The following HIBCH variants were observed in gnomAD, a reference collection of about 807,000 sequenced individuals.
HIBCH encodes 3-hydroxyisobutyryl-CoA hydrolase, mitochondrial.
A neutral mutation model predicts 58.2 loss-of-function variants in HIBCH; 50 were observed. That is an observed-to-expected ratio of 0.86 (90% CI 0.68 to 1.09). The LOEUF is 1.09. Ranked by LOEUF, HIBCH falls within the 50% of genes least tolerant of loss-of-function variation. The pLI, the probability that HIBCH is intolerant of heterozygous loss-of-function variation, is 0.00. For missense variants in HIBCH, 450 were observed against 449.7 expected (o/e 1.00, Z -0.01); for synonymous variants, 151 against 146.9 (o/e 1.03, Z -0.20).
chr2:190,232,919 C>T (rs528304416), intron 11 of HIBCH, among the ~76,000 whole-genome samples: 7 of 152,056 alleles, frequency 4.6e-5, no homozygotes, highest in Admixed American at 3.9e-4. Context: ...GATCATGCCA[C>T]TGCACTCCAG....
intron 5 of HIBCH, among the ~76,000 whole-genome samples, chr2:190,288,333 G>A (rs1281556227): frequency 6.6e-6 from 1 of 151,186 alleles, no homozygotes; most frequent in Non-Finnish European, 1.5e-5. Flanking sequence ...TCATATGGAA[G>A]ATCCAAAGTC....
At chr2:190,270,922 C>T (rs1436668164) in intron 6 of HIBCH, among the ~76,000 whole-genome samples, 1 of 151,720 alleles carries the variant, frequency 6.6e-6, no homozygotes, top group Admixed American at 6.6e-5. Context: ...ATTTTTTTTA[C>T]CCTGCTATTG....
intron 1 of HIBCH, among the ~76,000 whole-genome samples, chr2:190,195,235 T>C (rs760371586): frequency 6.6e-6 from 1 of 152,220 alleles, no homozygotes; most frequent in Non-Finnish European, 1.5e-5. Flanking sequence ...AAGAAGGACA[T>C]CTTGCTTGCT....
At chr2:190,267,335 G>A (rs1051318341) in intron 6 of HIBCH, among the ~76,000 whole-genome samples, 2 of 152,096 alleles carry the variant, frequency 1.3e-5, no homozygotes, top group Admixed American at 6.5e-5. Context: ...CTCCTGAGTA[G>A]CTGGGATTAC....
chr2:190,199,044 CTAGAG>C (rs1690115047), downstream of HIBCH, among the ~76,000 whole-genome samples: 1 of 152,152 alleles, frequency 6.6e-6, no homozygotes, highest in Non-Finnish European at 1.5e-5. Flanking sequence ...AGACGTGGCA[CTAGAG>C]TAAAGCCAAC....
rs1297419970 is a variant in HIBCH, at chr2:190,214,922, G to C, written c.892-1847C>G. 1 of 152,192 alleles carries C rather than the reference G, an allele frequency of 6.6e-6. No individual in the cohort carries two copies. Among genetic ancestry groups the C allele is most frequent in the Middle Eastern group, 3.2e-3 (1 of 314 alleles). 9.4% of individuals were successfully genotyped at this position (152,192 alleles called of 1,614,324 possible). On this transcript the variant is annotated intron_variant, in intron 11 of 13. Transcript: ENST00000359678. This position sits in a 1 kb window ranked among gnomAD's most constrained non-coding sequence, Gnocchi z 5.5. ...GGAAAGAATTAGAACAATGTAAGAA[G>C]GACATTGAGAATTTCCCTATTTCTT...
At position 190,210,922 on chromosome 2, in the gene HIBCH, T is replaced by C. The variant is rs1283029304; in HGVS notation, c.1012-2009A>G. Among the ~76,000 whole-genome samples, 3 of 152,216 alleles carry C rather than the reference T, an allele frequency of 2.0e-5. No homozygotes were observed. Among genetic ancestry groups the C allele is most frequent in the African/African-American group, 2.4e-5 (1 of 41,440 alleles). On this transcript the variant is annotated intron_variant, in intron 12 of 13. Transcript: ENST00000359678. This position sits in a 1 kb window ranked among gnomAD's most constrained non-coding sequence, Gnocchi z 5.5. ...TACAATTCATCCCCCTGTTACTCTATATCACATATCCTGCTTCCTTTTTCT... is the reference window on the plus strand; with the variant it reads ...TACAATTCATCCCCCTGTTACTCTACATCACATATCCTGCTTCCTTTTTCT...
chr2:190,309,681 G>C (rs1575765353), intron 2 of HIBCH, among the ~76,000 whole-genome samples: 2 of 151,582 alleles, frequency 1.3e-5, no homozygotes, highest in African/African-American at 4.8e-5. Context: ...TCAGCCTCCT[G>C]AGTAGCTGGG....
chr2:190,253,735 C>T (rs1686845309), intron 7 of HIBCH, among the ~76,000 whole-genome samples: 1 of 152,166 alleles, frequency 6.6e-6, no homozygotes, highest in Non-Finnish European at 1.5e-5. Context: ...AAAACAAACA[C>T]CTTTATCAAA....
chr2:190,310,683 C>G, intron 2 of HIBCH, 71 bp downstream of exon 2: 1 of 1,241,548 alleles, frequency 8.1e-7, no homozygotes, highest in Non-Finnish European at 1.2e-6. Context: ...CAGTATTTCT[C>G]TACTTCTCTA....
At chr2:190,282,929 A>G (rs1172566720) in intron 6 of HIBCH, among the ~76,000 whole-genome samples, 1 of 152,100 alleles carries the variant, frequency 6.6e-6, no homozygotes, top group East Asian at 1.9e-4. Flanking sequence ...AAGTAACAAT[A>G]AAGTACAAAC....
At chr2:190,257,681 G>A (rs985956717) in intron 7 of HIBCH, among the ~76,000 whole-genome samples, 7 of 152,154 alleles carry the variant, frequency 4.6e-5, no homozygotes, top group African/African-American at 1.7e-4. Flanking sequence ...ATTTCTCACA[G>A]TTCTGGAGGC....
At position 190,261,218 on chromosome 2, in the gene HIBCH, A is replaced by G; in HGVS notation, c.455T>C (p.Val152Ala). The G allele has an allele frequency of 1.2e-6, 2 of 1,613,356 alleles. No homozygotes were observed. The highest frequency in any genetic ancestry group is 8.5e-7 in the Non-Finnish European group (1 of 1,179,492). The change falls in exon 7 of 14, where the codon GTC (valine) becomes GCC (alanine). Residue 152 changes from valine to alanine, a missense_variant. By Grantham distance (64) the Val-to-Ala change is moderately conservative. Coordinates refer to ENST00000359678, the MANE Select transcript of HIBCH (RefSeq NM_014362.4). ...TGTAGCCACTCGAAATTGCCCATGG[A>G]CTGAGAGACCAACTCCCTAGAGAAA... ...ITMGGGVGLS[V>A]HGQFRVATEK...
chr2:190,280,022 G>C (rs2105974301), intron 6 of HIBCH: 1 of 152,356 alleles, frequency 6.6e-6, no homozygotes, highest in Non-Finnish European at 1.5e-5. Flanking sequence ...CTGCCGGCAA[G>C]TGTACTCTTT....
rs998031407 is a variant in HIBCH at position 190,197,524 on chromosome 2, A to T, written c.*18-7527T>A. On this transcript the variant is annotated intron_variant, in intron 1 of 1. Coordinates refer to the HIBCH transcript ENST00000399855. This position sits in a 1 kb window ranked among gnomAD's most constrained non-coding sequence, Gnocchi z 4.0. ...CCCAATCTTGAACTCTATCTTATAA[A>T]TTCCAGCTGTTTTAGTAACCCTAAC... is the stretch of plus-strand genomic sequence containing the variant. Among the ~76,000 whole-genome samples the T allele has an allele frequency of 2.0e-5, 3 of 152,140 alleles. No individual in the cohort carries two copies. Among genetic ancestry groups the T allele is most frequent in the Non-Finnish European group, 2.9e-5 (2 of 68,026 alleles).
chr2:190,206,494 T>C lies in HIBCH; in HGVS notation c.1046-1262A>G. 6.6e-6 allele frequency among the ~76,000 whole-genome samples: 1 copy of C among 152,182 alleles called. No individual in the cohort carries two copies. Among genetic ancestry groups the C allele is most frequent in the Non-Finnish European group, 1.5e-5 (1 of 68,030 alleles). ...TGTTATTTTATTTCAAGCTAACAAT[T>C]TTTTTACTAGAATACATACAAGTTC... On this transcript the variant is annotated intron_variant, in intron 13 of 13. Coordinates refer to ENST00000359678, the MANE Select transcript of HIBCH (RefSeq NM_014362.4). This position sits in a 1 kb window ranked among gnomAD's most constrained non-coding sequence, Gnocchi z 5.1.
chr2:190,221,064 C>T (rs1007290635), intron 11 of HIBCH, among the ~76,000 whole-genome samples: 4 of 151,074 alleles, frequency 2.6e-5, no homozygotes, highest in Non-Finnish European at 4.4e-5. Flanking sequence ...AAAGGCCGCA[C>T]AGGACCCGTT....
intron 6 of HIBCH, among the ~76,000 whole-genome samples, chr2:190,285,113 T>G (rs978520786): frequency 1.3e-5 from 2 of 152,198 alleles, no homozygotes. Flanking sequence ...TAAATTCATC[T>G]CTTTCTAATC....
chr2:190,200,907 A>C (rs999989480), downstream of HIBCH: 1 of 167,062 alleles, frequency 6.0e-6, no homozygotes, highest in Non-Finnish European at 1.5e-5. Context: ...TAAATCTTAA[A>C]AATAACAGAA....
Sources: gnomAD v4.1 joint callset for allele counts (sites outside exome capture counted in the v4.1 genomes callset) on GRCh38, gnomAD v4.1.1 for gene constraint, Gnocchi (gnomAD v3.1) non-coding constraint, MANE v1.5 for transcripts, NCBI Gene and HGNC (gene_info 2026-07-23, HGNC 2026-07-21) for gene names.